RBFOX1: variants seen among roughly 807,000 people sequenced by gnomAD.
RBFOX1 encodes RNA binding protein fox-1 homolog 1.
Under a neutral mutation model 57.7 loss-of-function variants are expected in RBFOX1, and 8 were observed. The observed-to-expected ratio is 0.14, with a 90% CI of 0.08 to 0.25. RBFOX1 has a LOEUF of 0.25. RBFOX1 is among the 10% of genes least tolerant of loss of function. RBFOX1 has a pLI of 1.00. For synonymous variants in RBFOX1, 326 were observed against 222.4 expected (o/e 1.47, Z -4.15); for missense variants, 611 against 548.5 (o/e 1.11, Z -1.14).
intron 4 of RBFOX1, among the ~76,000 whole-genome samples, chr16:7,078,889 T>A (rs1404205945): frequency 2.8e-5 from 4 of 141,538 alleles, no homozygotes; most frequent in African/African-American, 5.4e-5. Context: ...TTTTTTTTTT[T>A]AGTGAAGATG....
At chr16:5,955,997 C>T (rs1008188595) in intron 4 of RBFOX1, among the ~76,000 whole-genome samples, 5 of 152,146 alleles carry the variant, frequency 3.3e-5, no homozygotes, top group East Asian at 1.9e-4. Flanking sequence ...CATGGTGGCT[C>T]GTGCCTGTAA....
At chr16:6,396,494 C>T (rs967072306) in intron 2 of RBFOX1, among the ~76,000 whole-genome samples, 1 of 152,188 alleles carries the variant, frequency 6.6e-6, no homozygotes, top group Non-Finnish European at 1.5e-5. Flanking sequence ...TCTGGTGGAT[C>T]TCTGAAGCAT....
intron 1 of RBFOX1, among the ~76,000 whole-genome samples, chr16:5,345,390 A>G (rs1260408870): frequency 6.6e-6 from 1 of 152,018 alleles, no homozygotes; most frequent in Non-Finnish European, 1.5e-5. Context: ...CACCCCATTC[A>G]AACCCAACTA....
At chr16:6,788,457 T>A (rs1378540902) in intron 3 of RBFOX1, among the ~76,000 whole-genome samples, 1 of 151,424 alleles carries the variant, frequency 6.6e-6, no homozygotes, top group Non-Finnish European at 1.5e-5. Flanking sequence ...TTTTTTTTTA[T>A]TATTATTTAT....
At chr16:7,290,701 A>C (rs1318249652) in intron 4 of RBFOX1, among the ~76,000 whole-genome samples, 1 of 152,218 alleles carries the variant, frequency 6.6e-6, no homozygotes, top group Non-Finnish European at 1.5e-5. Context: ...TTAAGAGGGG[A>C]AAAATACCGT....
intron 2 of RBFOX1, among the ~76,000 whole-genome samples, chr16:6,612,945 A>T (rs1006377086): frequency 6.6e-6 from 1 of 151,620 alleles, no homozygotes; most frequent in African/African-American, 2.4e-5. Flanking sequence ...CAGTTTGACA[A>T]ACAAAGCCCC....
intron 2 of RBFOX1, among the ~76,000 whole-genome samples, chr16:6,498,111 G>A (rs1419278339): frequency 6.6e-6 from 1 of 151,926 alleles, no homozygotes; most frequent in African/African-American, 2.4e-5. Flanking sequence ...AAATAGCCGG[G>A]CATGGTGGTA....
At chr16:6,098,507 G>A (rs2096270398) in intron 1 of RBFOX1, among the ~76,000 whole-genome samples, 1 of 152,316 alleles carries the variant, frequency 6.6e-6, no homozygotes, top group African/African-American at 2.4e-5. Flanking sequence ...TGAGTTCCTT[G>A]TAAGTTGGAC....
At position 7,470,012 on chromosome 16, in the gene RBFOX1, G is replaced by C. The variant is rs946968001; in HGVS notation, c.28-48135G>C. 1.2e-4 allele frequency among the ~76,000 whole-genome samples: 16 copies of C among 135,986 alleles called. No individual in the cohort carries two copies. The East Asian group carries it at 3.0e-3, about 26-fold the overall frequency. 89.2% of individuals were successfully genotyped at this position (135,986 alleles called of 152,430 possible). ...GATGTGTTCAAGGTGCTACAGCATG[G>C]GTCAGTTTTTTTTTTTTTTCACTTT... On this transcript the variant is annotated intron_variant, in intron 4 of 15. Transcript: ENST00000550418.
intron 2 of RBFOX1, among the ~76,000 whole-genome samples, chr16:6,623,195 T>G (rs1171864227): frequency 6.6e-6 from 1 of 152,150 alleles, no homozygotes; most frequent in Non-Finnish European, 1.5e-5. Flanking sequence ...AAAACATGCA[T>G]GCAAATGAAT....
At chr16:6,578,975 C>T (rs555073951) in intron 2 of RBFOX1, among the ~76,000 whole-genome samples, 4 of 151,858 alleles carry the variant, frequency 2.6e-5, no homozygotes, top group East Asian at 2.0e-4. Flanking sequence ...ACCAAACTGT[C>T]GGAAATCACC....
intron 3 of RBFOX1, among the ~76,000 whole-genome samples, chr16:5,788,319 C>G (rs1346111218): frequency 6.6e-6 from 1 of 152,146 alleles, no homozygotes; most frequent in African/African-American, 2.4e-5. Flanking sequence ...TTTAGCGCAA[C>G]AAAAGCGTCT....
intron 4 of RBFOX1, among the ~76,000 whole-genome samples, chr16:7,194,038 A>C (rs139096952): frequency 5.3e-5 from 8 of 152,240 alleles, no homozygotes; most frequent in African/African-American, 1.9e-4. Context: ...ACGGGTATAC[A>C]TGATGCTATT....
chr16:5,444,605 G>A (rs377156869), intron 1 of RBFOX1, among the ~76,000 whole-genome samples: 1 of 152,118 alleles, frequency 6.6e-6, no homozygotes, highest in Non-Finnish European at 1.5e-5. Flanking sequence ...CAGAAATTAC[G>A]GGATCTCATG....
At chr16:7,412,388 C>T (rs1481608864) in intron 4 of RBFOX1, among the ~76,000 whole-genome samples, 1 of 137,264 alleles carries the variant, frequency 7.3e-6, no homozygotes, top group East Asian at 2.1e-4. Flanking sequence ...GCACTCCAGG[C>T]TGGGCAACAG....
At chr16:7,296,841 T>G (rs1018652043) in intron 4 of RBFOX1, among the ~76,000 whole-genome samples, 3 of 152,126 alleles carry the variant, frequency 2.0e-5, no homozygotes, top group African/African-American at 4.8e-5. Context: ...TTCCTCTACT[T>G]GGAGGAATAC....
intron 2 of RBFOX1, among the ~76,000 whole-genome samples, chr16:5,511,380 G>T (rs1044038089): frequency 6.6e-6 from 1 of 152,150 alleles, no homozygotes; most frequent in Admixed American, 6.5e-5. Context: ...GTGGTGGGGG[G>T]TGCCTTTATT....
intron 3 of RBFOX1, among the ~76,000 whole-genome samples, chr16:6,834,593 A>T (rs1010409280): frequency 1.1e-4 from 17 of 152,168 alleles, no homozygotes; most frequent in African/African-American, 4.1e-4. Flanking sequence ...CCTTGCAGAA[A>T]CTTGAAGGTG....
intron 1 of RBFOX1, among the ~76,000 whole-genome samples, chr16:5,333,059 G>A (rs142316450): frequency 0.029 from 4,442 of 152,192 alleles, 83 homozygotes; most frequent in Non-Finnish European, 0.043. Context: ...GTGGTGGTGG[G>A]CACCTGTAGT....
Sources: allele counts gnomAD v4.1 joint callset (sites outside exome capture counted in the v4.1 genomes callset), GRCh38; gene constraint gnomAD v4.1.1; transcripts MANE v1.5; gene names NCBI Gene and HGNC (gene_info 2026-07-23, HGNC 2026-07-21).